The following PIEZO1 variants were observed in gnomAD, a reference collection of about 807,000 sequenced individuals.
PIEZO1 encodes piezo-type mechanosensitive ion channel component 1.
A neutral mutation model predicts 297.2 loss-of-function variants in PIEZO1; 296 were observed. That is an observed-to-expected ratio of 1.00 (90% CI 0.91 to 1.10). The LOEUF (loss-of-function observed/expected upper bound fraction) is 1.10. Among genes scored for constraint, PIEZO1 ranks in the 50% least tolerant of loss-of-function variants. The probability of loss-of-function intolerance (pLI) is 0.00; values close to 1 mark genes in which losing one functional copy is unlikely to be tolerated. For missense variants in PIEZO1, 5,018 were observed against 3,455.5 expected (o/e 1.45, Z -11.34); for synonymous variants, 2,427 against 1,507.5 (o/e 1.61, Z -14.13).
At chr16:88,726,504 G>A in intron 26 of PIEZO1, 43 bp downstream of exon 26, 2 of 1,546,838 alleles carry the variant, frequency 1.3e-6, no homozygotes, top group Non-Finnish European at 1.7e-6. Flanking sequence ...CAGGAGCAGG[G>A]GGCTTCCCCA....
chr16:88,716,750 C>A lies in PIEZO1; in HGVS notation c.6754-19G>T. On this transcript the variant is annotated intron_variant, in intron 46 of 50. Coordinates refer to ENST00000301015, the MANE Select transcript of PIEZO1 (RefSeq NM_001142864.4). ...TGGCCAGCTGGGTACAAGTGACACC[C>A]TCAGTGACTGCAGCCGCCTCCCCAC... The A allele has an allele frequency of 6.5e-7, 1 of 1,548,540 alleles. No homozygotes were observed. The highest frequency in any genetic ancestry group is 8.7e-7 in the Non-Finnish European group (1 of 1,146,868).
chr16:88,736,385 G>C lies in PIEZO1; in HGVS notation c.1320C>G (p.Ser440Arg). ...AMMVWSITYH[S>R]WLTFVLLLWA... ...AGAGCAGCAGTACGAAGGTCAGCCA[G>C]CTGTGGTAGGTGATGCTCCATACCT... Residue 440 changes from serine (S) to arginine (R), a missense_variant, in exon 12 of 51, where the codon AGC (serine) becomes AGG (arginine). Physicochemically the swap from Ser to Arg is moderately radical, Grantham distance 110 (BLOSUM62 -1). Coordinates refer to ENST00000301015, the MANE Select transcript of PIEZO1 (RefSeq NM_001142864.4). The C allele has an allele frequency of 6.5e-7, 1 of 1,549,336 alleles. No homozygotes were observed. The highest frequency in any genetic ancestry group is 1.4e-5 in the African/African-American group (1 of 73,132).
Position 88,731,900 on chromosome 16 carries a change from A to G in PIEZO1, c.3002T>C (p.Leu1001Pro). The G allele has an allele frequency of 5.5e-6, 3 of 543,756 alleles. No individual in the cohort carries two copies. The highest frequency in any genetic ancestry group is 7.0e-6 in the Non-Finnish European group (3 of 430,598). 33.7% of individuals were successfully genotyped at this position (543,756 alleles called of 1,614,324 possible). A position where few individuals can be genotyped will look rare whatever the true frequency, so the allele number is the denominator to read the frequency against. Residue 1001 changes from leucine to proline, a missense_variant, in exon 22 of 51, where the codon CTG becomes CCG. Leu to Pro is a moderately conservative substitution (Grantham distance 98). Coordinates refer to ENST00000301015, the MANE Select transcript of PIEZO1 (RefSeq NM_001142864.4). Reference protein sequence around the residue: ...FYKFGLEICFLMAVNVIGQRM... With the variant: ...FYKFGLEICFPMAVNVIGQRM... Reference sequence around the variant, plus strand: ...CTGCCCGATCACGTTCACGGCCATCAGGAAGCAGATCTGGGGAGGGGAGAG... The same window carrying G: ...CTGCCCGATCACGTTCACGGCCATCGGGAAGCAGATCTGGGGAGGGGAGAG...
chr16:88,717,993 G>C (rs369727463), intron 44 of PIEZO1: 1 of 333,866 alleles, frequency 3.0e-6, no homozygotes, highest in Non-Finnish European at 5.8e-6. Flanking sequence ...TGAGGTGGGA[G>C]AATCGCTTGA....
At chr16:88,747,537 C>T (rs964893712) in intron 2 of PIEZO1, among the ~76,000 whole-genome samples, 1 of 152,114 alleles carries the variant, frequency 6.6e-6, no homozygotes, top group African/African-American at 2.4e-5. Flanking sequence ...ATAAAAAAGA[C>T]CATTGCCCAC....
At chr16:88,775,108 G>C (rs753891744) in intron 1 of PIEZO1, among the ~76,000 whole-genome samples, 11 of 152,200 alleles carry the variant, frequency 7.2e-5, no homozygotes, top group Non-Finnish European at 1.2e-4. Context: ...AGGACGTAAC[G>C]GAGTGAGGGG....
chr16:88,720,569 G>A (rs572641589), intron 40 of PIEZO1, 37 bp from the exon 41 acceptor site: 434 of 1,218,518 alleles, frequency 3.6e-4, no homozygotes, highest in Non-Finnish European at 4.6e-4. Context: ...CCCAGTACCC[G>A]CCTCCCCACC....
chr16:88,765,095 T>C (rs537844904), intron 1 of PIEZO1, among the ~76,000 whole-genome samples: 3 of 152,290 alleles, frequency 2.0e-5, no homozygotes, highest in East Asian at 1.9e-4. Context: ...CACCCTGTGA[T>C]TTACCCAGCG....
At chr16:88,737,442 G>A (rs1213787909) in intron 10 of PIEZO1, 117 bp downstream of exon 10, 1 of 674,896 alleles carries the variant, frequency 1.5e-6, no homozygotes, top group Non-Finnish European at 2.4e-6. Context: ...CCCCGAGGGG[G>A]CGGCAGGCAG....
chr16:88,743,460 C>T (rs1358086914), intron 2 of PIEZO1: 8 of 445,740 alleles, frequency 1.8e-5, no homozygotes, highest in Non-Finnish European at 3.6e-5. Flanking sequence ...AGCTCAGGCC[C>T]TTCTCACAAC....
intron 3 of PIEZO1, 49 bp from the exon 4 acceptor site, chr16:88,742,144 C>A (rs1191547845): frequency 3.3e-6 from 5 of 1,532,592 alleles, no homozygotes; most frequent in Non-Finnish European, 4.4e-6. Context: ...CCAGCCAGCA[C>A]CGTGGCCTGG....
At chr16:88,776,458 C>T (rs55633573) in intron 1 of PIEZO1, among the ~76,000 whole-genome samples, 14,545 of 151,740 alleles carry the variant, frequency 0.096, 938 homozygotes, top group Non-Finnish European at 0.13. Flanking sequence ...AGGGATGAGA[C>T]GCAGGGCCAG....
intron 30 of PIEZO1, 89 bp downstream of exon 30, chr16:88,724,920 A>G: frequency 1.3e-6 from 1 of 799,902 alleles, no homozygotes; most frequent in Non-Finnish European, 1.9e-6. Context: ...AGTCGGGGGA[A>G]GGGAGGGGAA....
Position 88,735,008 on chromosome 16 carries a change from A to T in PIEZO1, c.1715T>A (p.Val572Glu), listed in dbSNP as rs754266416. The T allele has an allele frequency of 6.4e-7, 1 of 1,550,464 alleles. No homozygotes were observed. Among genetic ancestry groups the T allele is most frequent in the South Asian group, 1.2e-5 (1 of 84,066 alleles). ...QTLLQSLGELVKGVYAKYWIY... is the reference protein window; with the variant it reads ...QTLLQSLGELEKGVYAKYWIY... ...CCAGTACTTGGCGTACACGCCCTTC[A>T]CCAGCTCCCCCAGGCTCTGCAACAG... Residue 572 changes from valine (V) to glutamate (E), a missense_variant, in exon 14 of 51, where the codon GTG (valine) becomes GAG (glutamate). Val to Glu is a moderately radical substitution (Grantham distance 121). Transcript: ENST00000301015.
At position 88,722,621 on chromosome 16, in the gene PIEZO1, G is replaced by A. The variant is rs560777575; in HGVS notation, c.4737C>T (p.Gly1579=). Residue 1579 remains glycine, a synonymous_variant, in exon 35 of 51, where the codon GGC becomes GGT. Coordinates refer to ENST00000301015, the MANE Select transcript of PIEZO1 (RefSeq NM_001142864.4). ...YTSQAEATLP[G]PTEAPNAPST... is the part of the protein sequence containing the mutation. ...TTGGGGCATTGGGGGCCTCGGTGGG[G>A]CCTGGCAGCGTGGCCTCGGCCTGGC... The A allele has an allele frequency of 6.5e-7, 1 of 1,538,410 alleles. No homozygotes were observed. The highest frequency in any genetic ancestry group is 2.0e-5 in the Admixed American group (1 of 50,862).
At chr16:88,729,673 C>T in intron 22 of PIEZO1, among the ~76,000 whole-genome samples, 1 of 145,754 alleles carries the variant, frequency 6.9e-6, no homozygotes, top group Non-Finnish European at 1.5e-5. Context: ...ACAAAGTGAC[C>T]CTCGATGCTG....
intron 22 of PIEZO1, among the ~76,000 whole-genome samples, chr16:88,728,333 C>G (rs564230562): frequency 8.2e-4 from 125 of 152,398 alleles, no homozygotes; most frequent in African/African-American, 3.0e-3. Flanking sequence ...TGACTCCACG[C>G]ATCTGCGAAA....
rs1221887968 is a variant in PIEZO1 at position 88,749,430 on chromosome 16, C to G, written c.114G>C (p.Leu38=). ...SGLSLVYLLF[L]LLLPWFPGPT... The stretch of plus-strand genomic sequence containing the variant: ...GGCCGGGGAACCAGGGCAGCAGCAG[C>G]AGGAAGAGCAGGTAGACCAGCGAGA... The change falls in exon 2 of 51, where the codon CTG becomes CTC. Residue 38 remains leucine (L), a synonymous_variant. Coordinates refer to ENST00000301015, the MANE Select transcript of PIEZO1 (RefSeq NM_001142864.4). 6.6e-7 allele frequency: 1 copy of G among 1,522,598 alleles called. No homozygotes were observed. The allele number at this position is 1,522,598 out of a possible 1,614,324, so 94.3% of individuals were successfully genotyped here.
intron 2 of PIEZO1, chr16:88,742,934 G>A (rs1390233691): frequency 2.6e-6 from 1 of 388,682 alleles, no homozygotes; most frequent in Admixed American, 2.8e-5. Flanking sequence ...CTGGGGCTGA[G>A]GGGCTGCAAG....
Sources: allele counts gnomAD v4.1 joint callset (sites outside exome capture counted in the v4.1 genomes callset), GRCh38; gene constraint gnomAD v4.1.1; transcripts MANE v1.5; gene names NCBI Gene and HGNC (gene_info 2026-07-23, HGNC 2026-07-21).